RPRD1B: variants seen among roughly 807,000 people sequenced by gnomAD.
The protein encoded by RPRD1B is regulation of nuclear pre-mRNA domain-containing protein 1B.
In RPRD1B, 11 loss-of-function variants were observed where a neutral mutation model predicts 41.5. The ratio of observed to expected loss-of-function variants is 0.27; its 90% CI spans 0.17 to 0.44. The LOEUF (loss-of-function observed/expected upper bound fraction) is 0.44. RPRD1B is among the 20% of genes least tolerant of loss of function. The pLI is 1.00. For synonymous variants in RPRD1B, 158 were observed against 155.6 expected (o/e 1.02, Z -0.12); for missense variants, 248 against 389.9 (o/e 0.64, Z 3.06).
intron 6 of RPRD1B, among the ~76,000 whole-genome samples, chr20:38,086,389 A>G (rs2074561291): frequency 6.6e-6 from 1 of 152,240 alleles, no homozygotes; most frequent in Non-Finnish European, 1.5e-5. Context: ...TAACAGTTTT[A>G]AAGGCAATTG....
intron 6 of RPRD1B, among the ~76,000 whole-genome samples, chr20:38,083,397 AG>A (rs2074532135): frequency 6.6e-6 from 1 of 152,228 alleles, no homozygotes; most frequent in South Asian, 2.1e-4. Context: ...GATTATATTA[AG>A]GCTTGAAAAT....
Position 38,034,107 on chromosome 20 carries a change from CA to C in RPRD1B, c.151+12del. On this transcript the variant is annotated intron_variant, in intron 1 of 6. Coordinates refer to ENST00000373433, the MANE Select transcript of RPRD1B (RefSeq NM_021215.4). ...CCGCGAGCTCCGCAAAGGTAAACAC[CA>C]AATCCCCACCCCCTGGACGGTCCCC... 1 of 1,610,978 alleles carries C rather than the reference CA, an allele frequency of 6.2e-7. No individual in the cohort carries two copies. Among genetic ancestry groups the C allele is most frequent in the Non-Finnish European group, 8.5e-7 (1 of 1,178,174 alleles).
chr20:38,046,700 A>G (rs2074124886), intron 2 of RPRD1B, among the ~76,000 whole-genome samples: 1 of 152,158 alleles, frequency 6.6e-6, no homozygotes, highest in African/African-American at 2.4e-5. Context: ...AGGCAAAGCA[A>G]ACTTTTGAAG....
chr20:38,051,364 G>A (rs987241681), intron 3 of RPRD1B, among the ~76,000 whole-genome samples: 18 of 152,208 alleles, frequency 1.2e-4, no homozygotes, highest in African/African-American at 4.3e-4. Context: ...GTATACGGTT[G>A]TAGAAGGATT....
chr20:38,038,553 G>C, intron 1 of RPRD1B, among the ~76,000 whole-genome samples: 1 of 136,598 alleles, frequency 7.3e-6, no homozygotes, highest in Non-Finnish European at 1.5e-5. Flanking sequence ...CTGGAGTGCA[G>C]TGGTGTGATC....
At chr20:38,038,971 T>C (rs963182868) in intron 1 of RPRD1B, among the ~76,000 whole-genome samples, 23 of 152,238 alleles carry the variant, frequency 1.5e-4, no homozygotes, top group Non-Finnish European at 2.9e-4. Context: ...GAGAAAACTT[T>C]GTGTTTTGAA....
At chr20:38,060,672 G>A (rs1462403181) in intron 5 of RPRD1B, among the ~76,000 whole-genome samples, 3 of 152,092 alleles carry the variant, frequency 2.0e-5, no homozygotes, top group Admixed American at 1.3e-4. Context: ...GGGCGTACTG[G>A]GTTGGAGAAC....
chr20:38,066,389 A>G lies in RPRD1B; in HGVS notation c.831+133A>G, dbSNP rs148240731. 5,296 of 837,830 alleles carry G rather than the reference A, an allele frequency of 6.3e-3. 27 individuals are homozygous for G. The highest frequency in any genetic ancestry group is 7.3e-3 in the Non-Finnish European group (4,030 of 548,700). 51.9% of individuals were successfully genotyped at this position (837,830 alleles called of 1,614,324 possible). The stretch of plus-strand genomic sequence containing the variant: ...TTCATGATGTGAATTCTGAACATCC[A>G]TCAGATACTGTAATTATTTGAGCCC... On this transcript the variant is annotated intron_variant, in intron 6 of 6. Coordinates refer to ENST00000373433, the MANE Select transcript of RPRD1B (RefSeq NM_021215.4).
At position 38,061,456 on chromosome 20, in the gene RPRD1B, T is replaced by C. The variant is rs145257861; in HGVS notation, c.655+1936T>C. Among the ~76,000 whole-genome samples, 627 of 152,344 alleles carry C rather than the reference T, an allele frequency of 4.1e-3. 3 individuals carry two copies. Among genetic ancestry groups the C allele is most frequent in the African/African-American group, 0.013 (541 of 41,578 alleles). On this transcript the variant is annotated intron_variant, in intron 5 of 6. Transcript: ENST00000373433. ...GCTATTTTCTAAACCCGCCTCTCTG[T>C]GTATTAGATCTGCTCCTTCTCATCT... is the stretch of plus-strand genomic sequence containing the variant.
intron 2 of RPRD1B, 51 bp from the exon 3 acceptor site, chr20:38,048,296 TA>T: frequency 6.4e-7 from 1 of 1,554,852 alleles, no homozygotes; most frequent in Non-Finnish European, 8.7e-7. Flanking sequence ...CTGTCCTAAT[TA>T]AAAGCAAAAA....
At chr20:38,078,274 A>G (rs2074483133) in intron 6 of RPRD1B, among the ~76,000 whole-genome samples, 1 of 151,708 alleles carries the variant, frequency 6.6e-6, no homozygotes, top group South Asian at 2.1e-4. Flanking sequence ...GTTGTGTCCC[A>G]TGGCATTTTG....
chr20:38,078,117 A>G (rs1235726992), intron 6 of RPRD1B, among the ~76,000 whole-genome samples: 1 of 151,412 alleles, frequency 6.6e-6, no homozygotes, highest in Non-Finnish European at 1.5e-5. Context: ...GCAATGAGCC[A>G]TGATCGTGCC....
intron 1 of RPRD1B, among the ~76,000 whole-genome samples, chr20:38,038,486 T>C (rs1427944871): frequency 1.8e-4 from 22 of 119,260 alleles, no homozygotes; most frequent in African/African-American, 8.5e-4. Flanking sequence ...ATTTTTTTTG[T>C]TTTGTTTTTT....
At chr20:38,041,143 T>C (rs2074062263) in intron 2 of RPRD1B, among the ~76,000 whole-genome samples, 3 of 140,080 alleles carry the variant, frequency 2.1e-5, no homozygotes, top group South Asian at 2.3e-4. Flanking sequence ...ATAGAAAGCA[T>C]ACATTGGATT....
chr20:38,059,496 G>A lies in RPRD1B; in HGVS notation c.631G>A (p.Val211Ile), dbSNP rs753892450. 6.2e-7 allele frequency: 1 copy of A among 1,614,014 alleles called. No homozygotes were observed. Among genetic ancestry groups the A allele is most frequent in the South Asian group, 1.1e-5 (1 of 91,082 alleles). Residue 211 changes from valine (V) to isoleucine (I), a missense_variant, in exon 5 of 7, where the codon GTT becomes ATT. By Grantham distance (29) the Val-to-Ile change is conservative. This residue lies in a region of RPRD1B where 93 missense variants were observed against 167.2 expected (regional missense o/e 0.56). Coordinates refer to ENST00000373433, the MANE Select transcript of RPRD1B (RefSeq NM_021215.4). The stretch of plus-strand genomic sequence containing the variant: ...TTCTCTGCCCCAGGAAGTGCAAGAT[G>A]TTTCTCTATTGGAAAAAATAACAGG... The part of the protein sequence containing the change: ...IASLPQEVQD[V>I]SLLEKITDKE...
At chr20:38,042,866 TA>T (rs898306745) in intron 2 of RPRD1B, among the ~76,000 whole-genome samples, 9 of 136,568 alleles carry the variant, frequency 6.6e-5, no homozygotes, top group Non-Finnish European at 1.1e-4. Context: ...AAACAAACAG[TA>T]AAAAAAACTC....
At chr20:38,056,669 C>G (rs1388863509) in intron 3 of RPRD1B, among the ~76,000 whole-genome samples, 5 of 152,162 alleles carry the variant, frequency 3.3e-5, no homozygotes, top group African/African-American at 1.2e-4. Context: ...TGTCATTTAA[C>G]CTCCCTGGCC....
rs2074607040 is a variant in RPRD1B at position 38,090,936 on chromosome 20, G to A, written c.*1061G>A. The A allele has an allele frequency of 1.1e-5, 11 of 985,280 alleles. No homozygotes were observed. The South Asian group carries it at 4.7e-4, about 42-fold the overall frequency. The allele number at this position is 985,280 out of a possible 1,614,324, so 61.0% of individuals were successfully genotyped here. ...ACAGGTCCTTGTCCCCACACGACGG[G>A]GAGTACTTGCGTCAGATGTTATTGA... On this transcript the variant is annotated 3_prime_UTR_variant, in exon 7 of 7. Transcript: ENST00000373433.
chr20:38,051,080 C>G (rs539401167), intron 3 of RPRD1B, among the ~76,000 whole-genome samples: 1 of 152,118 alleles, frequency 6.6e-6, no homozygotes, highest in Non-Finnish European at 1.5e-5. Flanking sequence ...TTCTATGGAA[C>G]TTTGACAGTT....
Sources: allele counts gnomAD v4.1 joint callset (sites outside exome capture counted in the v4.1 genomes callset), GRCh38; gene constraint gnomAD v4.1.1; regional missense constraint gnomAD v4.1.1; transcripts MANE v1.5; gene names NCBI Gene and HGNC (gene_info 2026-07-23, HGNC 2026-07-21).